CEP164: variants seen among roughly 807,000 people sequenced by gnomAD.
CEP164 encodes the protein centrosomal protein 164.
A neutral mutation model predicts 182.7 loss-of-function variants in CEP164; 162 were observed. That is an observed-to-expected ratio of 0.89 (90% CI 0.78 to 1.01). The LOEUF is 1.01. Ranked by LOEUF, CEP164 falls within the 50% of genes least tolerant of loss-of-function variation. The pLI is 0.00. For synonymous variants in CEP164, 661 were observed against 690.0 expected (o/e 0.96, Z 0.66); for missense variants, 1,735 against 1,790.4 (o/e 0.97, Z 0.56).
rs1344542356 is a variant in CEP164 at position 117,352,006 on chromosome 11, T to G, written c.393+18T>G. ...GTTCGCTGGTGAGTCAGTGGATGCC[T>G]CCTCCCAGAGAGGCCAGGGCTGAAA... On this transcript the variant is annotated intron_variant, in intron 5 of 32. Coordinates refer to ENST00000278935, the MANE Select transcript of CEP164 (RefSeq NM_014956.5). 1 of 1,554,544 alleles carries G rather than the reference T, an allele frequency of 6.4e-7. No individual in the cohort carries two copies. Among genetic ancestry groups the G allele is most frequent in the Admixed American group, 2.0e-5 (1 of 50,794 alleles).
chr11:117,398,263 G>A (rs1282907780), intron 27 of CEP164, among the ~76,000 whole-genome samples: 1 of 152,180 alleles, frequency 6.6e-6, no homozygotes, highest in Non-Finnish European at 1.5e-5. Flanking sequence ...TCATTGTCTT[G>A]GGCAGCTCCG....
chr11:117,369,285 A>C (rs1338884694), intron 8 of CEP164, among the ~76,000 whole-genome samples: 2 of 152,206 alleles, frequency 1.3e-5, no homozygotes, highest in Non-Finnish European at 2.9e-5. Flanking sequence ...CTTCCCAACA[A>C]CGCTCCTTAT....
chr11:117,406,334 A>T (rs1198586893), intron 27 of CEP164, among the ~76,000 whole-genome samples: 1 of 152,192 alleles, frequency 6.6e-6, no homozygotes, highest in Non-Finnish European at 1.5e-5. Context: ...CGTGAGACTT[A>T]TTCACTATCA....
chr11:117,368,299 G>A (rs2041861652), intron 8 of CEP164, among the ~76,000 whole-genome samples: 2 of 152,190 alleles, frequency 1.3e-5, no homozygotes, highest in Admixed American at 1.3e-4. Flanking sequence ...TGTATTTTAG[G>A]AATTGCATGG....
At chr11:117,408,201 G>A (rs1417211546) in intron 28 of CEP164, among the ~76,000 whole-genome samples, 169 bp downstream of exon 28, 1 of 152,186 alleles carries the variant, frequency 6.6e-6, no homozygotes, top group Non-Finnish European at 1.5e-5. Flanking sequence ...CTTCAATTCT[G>A]AGTTTGTTGA....
chr11:117,372,368 C>T (rs975523999), intron 9 of CEP164, among the ~76,000 whole-genome samples: 2 of 152,068 alleles, frequency 1.3e-5, no homozygotes, highest in Non-Finnish European at 2.9e-5. Context: ...GCCTCGGCCT[C>T]CCCAAGTGCT....
In CEP164 at chr11:117,409,019, C is replaced by T. The variant is rs140611214; in HGVS notation, c.3739C>T (p.Gln1247Ter). ...FSPPHREWWRQQRIDSTPSLT... is the reference protein window; with the variant it reads ...FSPPHREWWR ...CCCGCCTCACCGTGAGTGGTGGCGG[C>T]AGCAGAGGAGTGAGTGGGGGAGATG... is the stretch of plus-strand genomic sequence containing the variant. The change falls in exon 29 of 33, where the codon CAG (glutamine) becomes TAG (stop). Residue 1247 changes from glutamine to a stop codon, truncating the protein, a stop_gained. Coordinates refer to ENST00000278935, the MANE Select transcript of CEP164 (RefSeq NM_014956.5). LOFTEE classifies it high-confidence loss of function. This position sits in a 1 kb window ranked among gnomAD's most constrained non-coding sequence, Gnocchi z 4.4. 34 of 1,613,836 alleles carry T rather than the reference C, an allele frequency of 2.1e-5. No homozygotes were observed. The African/African-American group carries it at 4.4e-4, about 21-fold the overall frequency.
chr11:117,411,295 C>T lies in CEP164; in HGVS notation c.4163+401C>T, dbSNP rs1269922448. 4.0e-6 allele frequency: 1 copy of T among 251,126 alleles called. No homozygotes were observed. Among genetic ancestry groups the T allele is most frequent in the Non-Finnish European group, 7.8e-6 (1 of 127,582 alleles). 15.6% of individuals were successfully genotyped at this position (251,126 alleles called of 1,614,324 possible). A position where few individuals can be genotyped will look rare whatever the true frequency, so the allele number is the denominator to read the frequency against. On this transcript the variant is annotated intron_variant, in intron 31 of 32. Coordinates refer to ENST00000278935, the MANE Select transcript of CEP164 (RefSeq NM_014956.5). The surrounding 1 kb of genome is among the most constrained non-coding windows in gnomAD (Gnocchi z 4.4). ...GCTTCCTGTGGCTCCCTTATTCCCC[C>T]AGTCCTGCTGAGCAACATCTGGAGT...
At chr11:117,390,657 AG>A in intron 15 of CEP164, 119 bp from the exon 16 acceptor site, 1 of 1,061,668 alleles carries the variant, frequency 9.4e-7, no homozygotes, top group African/African-American at 1.6e-5. Flanking sequence ...AAAAAAAAAA[AG>A]ATTTAGGAAG....
At chr11:117,392,202 C>T (rs1276602345) in intron 17 of CEP164, 24 bp from the exon 18 acceptor site, 1 of 1,549,250 alleles carries the variant, frequency 6.5e-7, no homozygotes, top group East Asian at 2.3e-5. Flanking sequence ...CAGCTTCACT[C>T]ACAGTCCCTT....
chr11:117,392,776 T>C (rs1296052408), intron 19 of CEP164, 149 bp downstream of exon 19: 5 of 1,266,434 alleles, frequency 3.9e-6, no homozygotes, highest in Non-Finnish European at 5.5e-6. Flanking sequence ...ATGCCTTAGT[T>C]CCCTTGAAGC....
At chr11:117,382,732 G>A (rs971821589) in intron 13 of CEP164, 64 bp from the exon 14 acceptor site, 175 of 1,563,234 alleles carry the variant, frequency 1.1e-4, no homozygotes, top group Admixed American at 5.7e-4. Context: ...CCCAAATGGC[G>A]TACATCTTAA....
At chr11:117,359,309 CCA>C in intron 5 of CEP164, 1 of 638,830 alleles carries the variant, frequency 1.6e-6, no homozygotes, top group Non-Finnish European at 1.9e-6. Flanking sequence ...AATGGCAGAG[CCA>C]GTCTCAGGTG....
At chr11:117,372,063 A>T (rs1445645173) in intron 9 of CEP164, among the ~76,000 whole-genome samples, 3 of 147,400 alleles carry the variant, frequency 2.0e-5, no homozygotes, top group Non-Finnish European at 4.5e-5. Flanking sequence ...CTGGTCTCTA[A>T]CTCCTGAGCT....
rs753656435 is a variant in CEP164, at chr11:117,394,536, TGCACA to T, written c.2760+45_2760+49del. ...GGGTGAGCCCACTGTGACCCCTCCATGCACAGTAGGAAGGTGCTGGGAGCAGACGC... is the reference window on the plus strand; with the variant it reads ...GGGTGAGCCCACTGTGACCCCTCCATGTAGGAAGGTGCTGGGAGCAGACGC... On this transcript the variant is annotated intron_variant, in intron 21 of 32. Coordinates refer to ENST00000278935, the MANE Select transcript of CEP164 (RefSeq NM_014956.5). This position sits in a 1 kb window ranked among gnomAD's most constrained non-coding sequence, Gnocchi z 4.0. 2 of 1,607,420 alleles carry T rather than the reference TGCACA, an allele frequency of 1.2e-6. No individual in the cohort carries two copies. The highest frequency in any genetic ancestry group is 2.2e-5 in the South Asian group (2 of 90,138).
chr11:117,376,815 G>C (rs568880846), intron 11 of CEP164, among the ~76,000 whole-genome samples: 2 of 152,214 alleles, frequency 1.3e-5, no homozygotes, highest in African/African-American at 4.8e-5. Context: ...GTCAAAGGAA[G>C]GTGGGATTAG....
intron 9 of CEP164, among the ~76,000 whole-genome samples, chr11:117,373,442 G>T (rs1443145108): frequency 6.6e-6 from 1 of 152,058 alleles, no homozygotes; most frequent in East Asian, 1.9e-4. Context: ...TCAGACTTCG[G>T]TACTGCCACC....
intron 27 of CEP164, among the ~76,000 whole-genome samples, chr11:117,398,411 T>C (rs184159440): frequency 1.3e-5 from 2 of 151,794 alleles, no homozygotes; most frequent in African/African-American, 2.4e-5. Context: ...ATTCTGGGGG[T>C]CTGGAGGACG....
chr11:117,403,054 A>G (rs937741937), intron 27 of CEP164, among the ~76,000 whole-genome samples: 3 of 152,190 alleles, frequency 2.0e-5, no homozygotes, highest in Admixed American at 1.3e-4. Context: ...TTTTGAGCCT[A>G]TGTGTGTCTT....
Sources: allele counts gnomAD v4.1 joint callset (sites outside exome capture counted in the v4.1 genomes callset), GRCh38; gene constraint gnomAD v4.1.1; non-coding constraint Gnocchi (gnomAD v3.1); transcripts MANE v1.5; gene names NCBI Gene and HGNC (gene_info 2026-07-23, HGNC 2026-07-21).